MRPL58: variants seen among roughly 807,000 people sequenced by gnomAD.
MRPL58 encodes large ribosomal subunit protein mL62.
Under a neutral mutation model 26.0 loss-of-function variants are expected in MRPL58, and 17 were observed. That is an observed-to-expected ratio of 0.65 (90% CI 0.45 to 0.98). The LOEUF (loss-of-function observed/expected upper bound fraction) is 0.98. Among genes scored for constraint, MRPL58 ranks in the 50% least tolerant of loss-of-function variants. The pLI is 0.00. For synonymous variants in MRPL58, 100 were observed against 99.7 expected (o/e 1.00, Z -0.02); for missense variants, 250 against 269.0 (o/e 0.93, Z 0.49).
At position 75,017,866 on chromosome 17, in the gene MRPL58, G is replaced by A. The variant is rs140453674; in HGVS notation, c.223+752G>A. 2.1e-3 allele frequency among the ~76,000 whole-genome samples: 323 copies of A among 152,184 alleles called. 4 individuals are homozygous for A. In the East Asian group the frequency reaches 0.053, roughly 25 times the overall value. On this transcript the variant is annotated intron_variant, in intron 2 of 5. Transcript: ENST00000301585. ...TTGAGCCTGGGAAGCAGAGGTTGTG[G>A]TGAGTTGAGATCGCACCACTGCACT...
At chr17:75,017,491 A>C (rs749887666) in intron 2 of MRPL58, among the ~76,000 whole-genome samples, 3 of 152,158 alleles carry the variant, frequency 2.0e-5, no homozygotes, top group Non-Finnish European at 4.4e-5. Context: ...GCTCACGCCT[A>C]TAATTCCAAC....
At position 75,012,837 on chromosome 17, in the gene MRPL58, G is replaced by A. The variant is rs1482125923; in HGVS notation, c.151G>A (p.Glu51Lys). 1.2e-6 allele frequency: 2 copies of A among 1,612,058 alleles called. No homozygotes were observed. Among genetic ancestry groups the A allele is most frequent in the Non-Finnish European group, 1.7e-6 (2 of 1,179,504 alleles). Reference protein sequence around the residue: ...SIYSLDKLYPESQGSDTAWRV... With the variant: ...SIYSLDKLYPKSQGSDTAWRV... ...CTACAGCCTGGACAAGCTCTACCCC[G>A]AATCTCAGGGCTCGGACACCGCCTG... Residue 51 changes from glutamate (E) to lysine (K), a missense_variant, in exon 1 of 6, where the codon GAA becomes AAA. Glu to Lys is a moderately conservative substitution (Grantham distance 56). Coordinates refer to ENST00000301585, the MANE Select transcript of MRPL58 (RefSeq NM_001545.3).
At chr17:75,013,476 T>C (rs1215224269) in intron 1 of MRPL58, among the ~76,000 whole-genome samples, 1 of 152,218 alleles carries the variant, frequency 6.6e-6, no homozygotes, top group East Asian at 1.9e-4. Flanking sequence ...GGCTAGGGGA[T>C]GGAGTAGCAA....
intron 5 of MRPL58, 94 bp downstream of exon 5, chr17:75,020,751 C>A: frequency 7.2e-7 from 1 of 1,395,756 alleles, no homozygotes; most frequent in Non-Finnish European, 1.0e-6. Context: ...CAAGGCCGGC[C>A]TTGGGAGAAA....
In MRPL58 at chr17:75,021,041, G is replaced by C. The variant is rs568020545; in HGVS notation, c.*36G>C. The C allele has an allele frequency of 1.7e-5, 24 of 1,441,154 alleles. No individual in the cohort carries two copies. The highest frequency in any genetic ancestry group is 2.2e-5 in the Non-Finnish European group (23 of 1,022,496). The allele number at this position is 1,441,154 out of a possible 1,614,324, so 89.3% of individuals were successfully genotyped here. On this transcript the variant is annotated 3_prime_UTR_variant, in exon 6 of 6. Transcript: ENST00000301585. ...TGCAGCTGGGAGGGCTCTTCTGGGC[G>C]TCCGGGCAGCTGCAGCTGAGAGGAC...
chr17:75,020,550 G>A lies in MRPL58; in HGVS notation c.429G>A (p.Gln143=). The change falls in exon 5 of 6, where the codon CAG becomes CAA. Residue 143 remains glutamine (Q), a synonymous_variant. Transcript: ENST00000301585. ...TCACCTCTGAGAGCAGCCGCTATCA[G>A]TTCCGGAATCTGGCAGATTGCCTGC... ...LILTSESSRY[Q]FRNLADCLQK... 6.2e-7 allele frequency: 1 copy of A among 1,614,168 alleles called. No homozygotes were observed. Among genetic ancestry groups the A allele is most frequent in the Non-Finnish European group, 8.5e-7 (1 of 1,180,018 alleles).
chr17:75,013,233 C>G (rs1048824433), intron 1 of MRPL58, among the ~76,000 whole-genome samples: 1 of 152,156 alleles, frequency 6.6e-6, no homozygotes, highest in African/African-American at 2.4e-5. Context: ...CCCTTTGGGA[C>G]GTTACAGTGT....
At chr17:75,019,644 G>A (rs2040000149) in intron 2 of MRPL58, 56 bp from the exon 3 acceptor site, 2 of 1,524,460 alleles carry the variant, frequency 1.3e-6, no homozygotes, top group Non-Finnish European at 1.8e-6. Flanking sequence ...CAACAAGACT[G>A]CTTTTCATGC....
intron 2 of MRPL58, among the ~76,000 whole-genome samples, chr17:75,019,246 TA>T (rs2144887107): frequency 6.6e-6 from 1 of 152,156 alleles, no homozygotes; most frequent in South Asian, 2.1e-4. Flanking sequence ...GACAGCCTCC[TA>T]GGGGGAGACA....
At position 75,012,939 on chromosome 17, in the gene MRPL58, G is replaced by C. The variant is rs1567978737; in HGVS notation, c.186+67G>C. 4.9e-6 allele frequency: 7 copies of C among 1,415,752 alleles called. No homozygotes were observed. The South Asian group carries it at 7.4e-5, about 15-fold the overall frequency. 87.7% of individuals were successfully genotyped at this position (1,415,752 alleles called of 1,614,324 possible). A position where few individuals can be genotyped will look rare whatever the true frequency, so the allele number is the denominator to read the frequency against. ...CTGCTGGGTGACGTTAGGAACCCCA[G>C]GCCCATTGGCCGGATGTGGAGCTAC... is the stretch of plus-strand genomic sequence containing the variant. On this transcript the variant is annotated intron_variant, in intron 1 of 5. Coordinates refer to ENST00000301585, the MANE Select transcript of MRPL58 (RefSeq NM_001545.3).
chr17:75,016,571 CAA>C (rs1491375694), intron 1 of MRPL58, among the ~76,000 whole-genome samples: 1 of 149,984 alleles, frequency 6.7e-6, no homozygotes, highest in African/African-American at 2.5e-5. Flanking sequence ...TGAGGAACAG[CAA>C]GAGAGAGAGA....
At chr17:75,017,221 G>A (rs2039980745) in intron 2 of MRPL58, 107 bp downstream of exon 2, 1 of 859,900 alleles carries the variant, frequency 1.2e-6, no homozygotes, top group African/African-American at 1.7e-5. Context: ...AACCCAGGAG[G>A]TGGAGGTTGC....
At chr17:75,018,819 G>C (rs1248524755) in intron 2 of MRPL58, 1 of 152,146 alleles carries the variant, frequency 6.6e-6, no homozygotes, top group African/African-American at 2.4e-5. Flanking sequence ...GACTTCCATA[G>C]ACAGTGCGAG....
chr17:75,013,509 T>C (rs748682420), intron 1 of MRPL58, among the ~76,000 whole-genome samples: 1 of 152,178 alleles, frequency 6.6e-6, no homozygotes, highest in Non-Finnish European at 1.5e-5. Flanking sequence ...TTCTAAAGCT[T>C]GTGGAGCTTA....
chr17:75,016,122 G>A (rs2039972113), intron 1 of MRPL58, among the ~76,000 whole-genome samples: 1 of 151,332 alleles, frequency 6.6e-6, no homozygotes, highest in African/African-American at 2.4e-5. Flanking sequence ...AATGAAGACA[G>A]GCTGGGCGTG....
In MRPL58 at chr17:75,021,056, G is replaced by C. The variant is rs1483195858; in HGVS notation, c.*51G>C. The stretch of plus-strand genomic sequence containing the variant: ...TCTTCTGGGCGTCCGGGCAGCTGCA[G>C]CTGAGAGGACTTTCACACCATAAGG... On this transcript the variant is annotated 3_prime_UTR_variant, in exon 6 of 6. Coordinates refer to ENST00000301585, the MANE Select transcript of MRPL58 (RefSeq NM_001545.3). The C allele has an allele frequency of 3.3e-6, 4 of 1,216,170 alleles. No individual in the cohort carries two copies. Among genetic ancestry groups the C allele is most frequent in the Admixed American group, 1.7e-5 (1 of 59,000 alleles). 75.3% of individuals were successfully genotyped at this position (1,216,170 alleles called of 1,614,324 possible).
chr17:75,014,011 CAAGT>C (rs1447860540), intron 1 of MRPL58, among the ~76,000 whole-genome samples: 3 of 152,052 alleles, frequency 2.0e-5, no homozygotes, highest in African/African-American at 7.2e-5. Context: ...ATCAGGGAGA[CAAGT>C]AAGGAGATTG....
Position 75,021,180 on chromosome 17 carries a change from A to G in MRPL58, c.*175A>G, listed in dbSNP as rs2040015482. On this transcript the variant is annotated 3_prime_UTR_variant, in exon 6 of 6. Coordinates refer to ENST00000301585, the MANE Select transcript of MRPL58 (RefSeq NM_001545.3). ...AATGAAGGCTGCAGGCACTGGTTGC[A>G]GACGTCTTTATAGGCAGTCACCATG... is the stretch of plus-strand genomic sequence containing the variant. 2 of 601,654 alleles carry G rather than the reference A, an allele frequency of 3.3e-6. No individual in the cohort carries two copies. The highest frequency in any genetic ancestry group is 9.0e-4 in the Middle Eastern group (2 of 2,216). The allele number at this position is 601,654 out of a possible 1,614,324, so 37.3% of individuals were successfully genotyped here.
chr17:75,020,641 A>G lies in MRPL58; in HGVS notation c.520A>G (p.Lys174Glu). The change falls in exon 5 of 6, where the codon AAA becomes GAA. Residue 174 changes from lysine (K) to glutamate (E), a missense_variant. By Grantham distance (56) the Lys-to-Glu change is moderately conservative. Transcript: ENST00000301585. ...GAAGGAGCCAACAAAAGAAGATGTT[A>G]AACTTCATAGAATCAGGTACCAGGA... ...TPKEPTKEDV[K>E]LHRIRIENMN... 1 of 1,614,146 alleles carries G rather than the reference A, an allele frequency of 6.2e-7. No homozygotes were observed. Among genetic ancestry groups the G allele is most frequent in the Non-Finnish European group, 8.5e-7 (1 of 1,179,992 alleles).
Sources: gnomAD v4.1 joint callset for allele counts (sites outside exome capture counted in the v4.1 genomes callset) on GRCh38, gnomAD v4.1.1 for gene constraint, MANE v1.5 for transcripts, NCBI Gene and HGNC (gene_info 2026-07-23, HGNC 2026-07-21) for gene names.